The following PCSK5 variants were observed in gnomAD, a reference collection of about 807,000 sequenced individuals.
PCSK5 encodes the protein prohormone convertase 5.
Under a neutral mutation model 233.2 loss-of-function variants are expected in PCSK5, and 129 were observed. That is an observed-to-expected ratio of 0.55 (90% CI 0.48 to 0.64). PCSK5 has a LOEUF of 0.64. Ranked by LOEUF, PCSK5 falls within the 30% of genes least tolerant of loss-of-function variation. The pLI is 0.00. For synonymous variants in PCSK5, 825 were observed against 879.2 expected (o/e 0.94, Z 1.09); for missense variants, 2,076 against 2,430.1 (o/e 0.85, Z 3.06).
chr9:75,924,857 T>C (rs933154170), intron 1 of PCSK5, among the ~76,000 whole-genome samples: 2 of 152,218 alleles, frequency 1.3e-5, no homozygotes, highest in Non-Finnish European at 2.9e-5. Context: ...GGAATTAGGC[T>C]GCCCACCATC....
At chr9:75,913,741 T>C (rs1822857822) in intron 1 of PCSK5, among the ~76,000 whole-genome samples, 2 of 152,192 alleles carry the variant, frequency 1.3e-5, no homozygotes, top group Admixed American at 1.3e-4. Flanking sequence ...GTGAATAGCA[T>C]AGTTGTATTT....
chr9:76,358,488 T>C, intron 37 of PCSK5, 25 bp from the exon 38 acceptor site: 1 of 1,581,884 alleles, frequency 6.3e-7, no homozygotes, highest in Non-Finnish European at 8.6e-7. Flanking sequence ...CTCTTGCCTC[T>C]TCCTTTGAGG....
Position 76,211,607 on chromosome 9 carries a change from G to A in PCSK5, c.2627-15896G>A, listed in dbSNP as rs139359905. Among the ~76,000 whole-genome samples, 972 of 152,330 alleles carry A rather than the reference G, an allele frequency of 6.4e-3. 10 individuals carry two copies. The highest frequency in any genetic ancestry group is 0.022 in the African/African-American group (929 of 41,594). On this transcript the variant is annotated intron_variant, in intron 20 of 37. Coordinates refer to ENST00000674117, the MANE Select transcript of PCSK5 (RefSeq NM_001372043.1). ...TCACACCTGTAATCCCAGCACTTGGGGAGGCTGAGGTGGGAGGATCACTGG... is the reference window on the plus strand; with the variant it reads ...TCACACCTGTAATCCCAGCACTTGGAGAGGCTGAGGTGGGAGGATCACTGG...
At chr9:76,323,686 G>A (rs1165822657) in intron 32 of PCSK5, among the ~76,000 whole-genome samples, 2 of 152,108 alleles carry the variant, frequency 1.3e-5, no homozygotes, top group South Asian at 2.1e-4. Flanking sequence ...ATTTTGAACC[G>A]GTTGTAAATA....
intron 9 of PCSK5, among the ~76,000 whole-genome samples, chr9:76,133,219 T>C (rs1822831171): frequency 6.6e-6 from 1 of 152,088 alleles, no homozygotes; most frequent in African/African-American, 2.4e-5. Flanking sequence ...CTTAGTTAAG[T>C]AAAAGATCAG....
intron 7 of PCSK5, among the ~76,000 whole-genome samples, chr9:76,083,465 C>T (rs147250056): frequency 6.6e-6 from 1 of 152,230 alleles, no homozygotes; most frequent in Non-Finnish European, 1.5e-5. Context: ...CAGAACAGAG[C>T]CATTGTCAAG....
At chr9:76,042,943 C>CTG (rs2131535848) in intron 5 of PCSK5, among the ~76,000 whole-genome samples, 1 of 152,266 alleles carries the variant, frequency 6.6e-6, no homozygotes, top group Admixed American at 6.5e-5. Context: ...GTGGGTTGGA[C>CTG]TGTAGCATTA....
chr9:76,037,803 A>G (rs934467304), intron 5 of PCSK5, among the ~76,000 whole-genome samples: 6 of 152,120 alleles, frequency 3.9e-5, no homozygotes, highest in African/African-American at 1.4e-4. Context: ...TGCCTATACA[A>G]CACCTAAAAT....
intron 35 of PCSK5, among the ~76,000 whole-genome samples, chr9:76,343,000 C>T (rs1246432653): frequency 3.3e-5 from 5 of 152,126 alleles, no homozygotes; most frequent in Non-Finnish European, 7.4e-5. Flanking sequence ...CATTCATTGT[C>T]TGAATTGTTT....
intron 5 of PCSK5, among the ~76,000 whole-genome samples, chr9:76,032,683 A>G (rs922033370): frequency 6.6e-6 from 1 of 152,186 alleles, no homozygotes; most frequent in African/African-American, 2.4e-5. Context: ...AATAAAGCTG[A>G]CTGCATTGTT....
At chr9:76,027,191 G>T (rs567254921) in intron 5 of PCSK5, among the ~76,000 whole-genome samples, 154 bp downstream of exon 5, 1 of 152,146 alleles carries the variant, frequency 6.6e-6, no homozygotes, top group Admixed American at 6.5e-5. Flanking sequence ...AAGCCTCTGA[G>T]TAAGAAAAAA....
At chr9:76,285,701 T>C (rs1224009040) in intron 24 of PCSK5, among the ~76,000 whole-genome samples, 1 of 152,120 alleles carries the variant, frequency 6.6e-6, no homozygotes, top group Non-Finnish European at 1.5e-5. Flanking sequence ...AGTGTCTACT[T>C]CATGGCCAAT....
chr9:76,338,247 C>T lies in PCSK5; in HGVS notation c.4766C>T (p.Ser1589Phe). The T allele has an allele frequency of 6.2e-7, 1 of 1,611,924 alleles. No homozygotes were observed. The highest frequency in any genetic ancestry group is 8.5e-7 in the Non-Finnish European group (1 of 1,179,316). ...QCREGYYADN[S>F]TGRCERCNRS... ...GGTTTCAGATATTACGCAGACAACTCCACTGGCCGGTGTGAGAGGTGCAAC... is the reference window on the plus strand; with the variant it reads ...GGTTTCAGATATTACGCAGACAACTTCACTGGCCGGTGTGAGAGGTGCAAC... The change falls in exon 35 of 38, where the codon TCC becomes TTC. Residue 1589 changes from serine to phenylalanine, a missense_variant. By Grantham distance (155) the Ser-to-Phe change is radical (BLOSUM62 -2). This residue lies in a region of PCSK5 where 1,510 missense variants were observed against 1,538.1 expected (regional missense o/e 0.98). Transcript: ENST00000674117.
chr9:76,221,515 A>C (rs1825726081), intron 20 of PCSK5, among the ~76,000 whole-genome samples: 1 of 152,186 alleles, frequency 6.6e-6, no homozygotes, highest in African/African-American at 2.4e-5. Context: ...TTTATAAAAG[A>C]GGTTTTTGTC....
intron 1 of PCSK5, among the ~76,000 whole-genome samples, chr9:75,900,589 C>T (rs901117145): frequency 6.8e-6 from 1 of 147,516 alleles, no homozygotes; most frequent in African/African-American, 2.5e-5. Context: ...TGAGGTGGGA[C>T]AGTTGCTTGA....
At chr9:76,188,988 T>C (rs1306944328) in intron 18 of PCSK5, 106 bp from the exon 19 acceptor site, 25 of 971,462 alleles carry the variant, frequency 2.6e-5, no homozygotes, top group Non-Finnish European at 3.6e-5. Flanking sequence ...GAATATTAAA[T>C]TATTATTCTT....
intron 5 of PCSK5, among the ~76,000 whole-genome samples, chr9:76,057,832 CTTTTTT>C (rs36017305): frequency 1.5e-5 from 1 of 67,070 alleles, no homozygotes; most frequent in Non-Finnish European, 2.6e-5. Context: ...TATTCAGGGG[CTTTTTT>C]TTTTTTTTTT....
At chr9:76,027,194 A>G (rs1828463388) in intron 5 of PCSK5, among the ~76,000 whole-genome samples, 157 bp downstream of exon 5, 1 of 152,114 alleles carries the variant, frequency 6.6e-6, no homozygotes, top group Admixed American at 6.5e-5. Context: ...CCTCTGAGTA[A>G]GAAAAAAGGG....
intron 5 of PCSK5, among the ~76,000 whole-genome samples, chr9:76,029,611 A>G (rs1046909197): frequency 1.3e-5 from 2 of 152,166 alleles, no homozygotes; most frequent in Non-Finnish European, 2.9e-5. Context: ...TGCGTTCCAT[A>G]AGGAATCTCA....
Sources: allele counts gnomAD v4.1 joint callset (sites outside exome capture counted in the v4.1 genomes callset), GRCh38; gene constraint gnomAD v4.1.1; regional missense constraint gnomAD v4.1.1; transcripts MANE v1.5; gene names NCBI Gene and HGNC (gene_info 2026-07-23, HGNC 2026-07-21).